The following PRKCB variants were observed in gnomAD, a reference collection of about 807,000 sequenced individuals.
PRKCB encodes protein kinase C beta type.
PRKCB carries 13 observed loss-of-function variants against 81.5 expected under a neutral mutation model. The ratio of observed to expected loss-of-function variants is 0.16; its 90% CI spans 0.10 to 0.25. PRKCB has a LOEUF of 0.25. Ranked by LOEUF, PRKCB falls within the 10% of genes least tolerant of loss-of-function variation. The pLI is 1.00. For synonymous variants in PRKCB, 335 were observed against 321.4 expected (o/e 1.04, Z -0.45); for missense variants, 509 against 875.7 (o/e 0.58, Z 5.29).
intron 2 of PRKCB, among the ~76,000 whole-genome samples, chr16:23,842,274 G>T (rs1160801960): frequency 6.6e-6 from 1 of 152,122 alleles, no homozygotes; most frequent in Non-Finnish European, 1.5e-5. Flanking sequence ...CTGTAAAATG[G>T]GGATAATAGC....
chr16:24,148,837 C>A (rs145334023), intron 9 of PRKCB, among the ~76,000 whole-genome samples: 1 of 152,108 alleles, frequency 6.6e-6, no homozygotes, highest in Non-Finnish European at 1.5e-5. Context: ...TGATCCAGAC[C>A]GCCCTGCAAA....
At chr16:23,971,194 A>G (rs1162850164) in intron 2 of PRKCB, among the ~76,000 whole-genome samples, 3 of 152,206 alleles carry the variant, frequency 2.0e-5, no homozygotes, top group Non-Finnish European at 4.4e-5. Context: ...CATTGTCACC[A>G]TCTCCATCGA....
intron 9 of PRKCB, among the ~76,000 whole-genome samples, chr16:24,144,593 GC>G (rs1567391014): frequency 1.3e-5 from 2 of 152,230 alleles, no homozygotes; most frequent in Admixed American, 1.3e-4. Context: ...GAGCCACCAA[GC>G]CCGGCCACTA....
chr16:23,853,862 G>A (rs1018817343), intron 2 of PRKCB, among the ~76,000 whole-genome samples: 1 of 150,482 alleles, frequency 6.6e-6, no homozygotes, highest in African/African-American at 2.4e-5. Flanking sequence ...TGCTAATAAA[G>A]GCATAACTGA....
chr16:24,124,009 G>A (rs745649033), intron 9 of PRKCB, 28 bp downstream of exon 9: 12 of 1,612,794 alleles, frequency 7.4e-6, no homozygotes, highest in Non-Finnish European at 1.0e-5. Context: ...GGCTCCACCT[G>A]CTTTGGAAGG....
chr16:23,995,674 A>G (rs555075953), intron 3 of PRKCB, among the ~76,000 whole-genome samples: 1 of 152,266 alleles, frequency 6.6e-6, no homozygotes, highest in South Asian at 2.1e-4. Flanking sequence ...TGGAAGTGGT[A>G]TGTATGTGAT....
At chr16:23,973,928 C>T (rs1199976722) in intron 2 of PRKCB, among the ~76,000 whole-genome samples, 1 of 152,098 alleles carries the variant, frequency 6.6e-6, no homozygotes, top group Non-Finnish European at 1.5e-5. Context: ...TTCTTGGCCT[C>T]CCAAAGTGCT....
chr16:24,170,737 A>G (rs1967429436), intron 10 of PRKCB, among the ~76,000 whole-genome samples: 1 of 152,208 alleles, frequency 6.6e-6, no homozygotes, highest in African/African-American at 2.4e-5. Context: ...TAACTTCTCC[A>G]AATACATCCA....
chr16:24,190,981 A>T, intron 15 of PRKCB, 109 bp from the exon 16 acceptor site: 289 of 1,042,114 alleles, frequency 2.8e-4, no homozygotes, highest in Non-Finnish European at 3.7e-4. Flanking sequence ...ATGAGTTGAG[A>T]TTCTTCATTT....
chr16:24,172,646 G>A (rs953855153), intron 11 of PRKCB, among the ~76,000 whole-genome samples: 1 of 152,088 alleles, frequency 6.6e-6, no homozygotes, highest in Non-Finnish European at 1.5e-5. Context: ...AGGAGTTAGA[G>A]GCCAGCCTGG....
chr16:23,920,526 C>A (rs767357358), intron 2 of PRKCB, among the ~76,000 whole-genome samples: 1 of 152,178 alleles, frequency 6.6e-6, no homozygotes, highest in Non-Finnish European at 1.5e-5. Context: ...ATGCATCTTC[C>A]TTTTTTGACA....
chr16:24,057,253 A>G (rs1406275587), intron 5 of PRKCB, among the ~76,000 whole-genome samples: 1 of 152,206 alleles, frequency 6.6e-6, no homozygotes, highest in African/African-American at 2.4e-5. Context: ...TGTCAGCCCT[A>G]TGAAATAATA....
chr16:23,989,502 T>A (rs1290503237), intron 3 of PRKCB, among the ~76,000 whole-genome samples: 1 of 152,152 alleles, frequency 6.6e-6, no homozygotes, highest in Non-Finnish European at 1.5e-5. Context: ...GTAGGTAAAA[T>A]GTGCAAAAAA....
At chr16:23,886,722 G>T (rs1376928311) in intron 2 of PRKCB, among the ~76,000 whole-genome samples, 5 of 152,080 alleles carry the variant, frequency 3.3e-5, no homozygotes, top group Admixed American at 6.5e-5. Context: ...CGTGTTATGA[G>T]TTGAACAGAT....
chr16:24,124,127 T>C (rs772280177), intron 9 of PRKCB, 146 bp downstream of exon 9: 1 of 1,004,000 alleles, frequency 1.0e-6, no homozygotes, highest in South Asian at 1.6e-5. Flanking sequence ...ATGAATACCA[T>C]GAAGGAAATG....
intron 1 of PRKCB, chr16:23,837,169 C>T (rs1597201893): frequency 2.9e-6 from 2 of 689,350 alleles, no homozygotes; most frequent in East Asian, 5.3e-5. Context: ...AGCCTCCTCT[C>T]TTCTGCAGGA....
chr16:23,999,246 T>C (rs957269127), intron 3 of PRKCB, among the ~76,000 whole-genome samples: 2 of 152,162 alleles, frequency 1.3e-5, no homozygotes, highest in Non-Finnish European at 2.9e-5. Flanking sequence ...GTGCAGCAAG[T>C]TCGTGAAGCA....
intron 13 of PRKCB, among the ~76,000 whole-genome samples, chr16:24,182,356 CA>C (rs900358058): frequency 6.6e-6 from 1 of 151,688 alleles, no homozygotes; most frequent in African/African-American, 2.4e-5. Context: ...CTAATCTCTA[CA>C]AAAAAAATTA....
intron 2 of PRKCB, among the ~76,000 whole-genome samples, chr16:23,858,400 C>A (rs1597212451): frequency 6.6e-6 from 1 of 152,214 alleles, no homozygotes. Context: ...GAATGGCAAC[C>A]AGGAAGGATC....
Sources: allele counts gnomAD v4.1 joint callset (sites outside exome capture counted in the v4.1 genomes callset), GRCh38; gene constraint gnomAD v4.1.1; transcripts MANE v1.5; gene names NCBI Gene and HGNC (gene_info 2026-07-23, HGNC 2026-07-21).